The following SYNE2 variants were observed in gnomAD, a reference collection of about 807,000 sequenced individuals.
SYNE2 encodes the protein nesprin-2.
In SYNE2, 431 loss-of-function variants were observed where a neutral mutation model predicts 856.3. The observed-to-expected ratio is 0.50, with a 90% confidence interval of 0.47 to 0.55. The LOEUF (loss-of-function observed/expected upper bound fraction) is 0.55, where lower values mean the gene tolerates loss of function less well. Ranked by LOEUF, SYNE2 falls within the 20% of genes least tolerant of loss-of-function variation. The pLI is 0.00. For synonymous variants in SYNE2, 2,923 were observed against 2,872.3 expected, an observed-to-expected ratio of 1.02 and a Z score of -0.56; for missense variants, 8,129 against 8,023.2, an observed-to-expected ratio of 1.01 and a Z score of -0.50.
chr14:64,075,746 A>T (rs2097453339), intron 53 of SYNE2, 199 bp from the exon 54 acceptor site: 1 of 569,952 alleles, frequency 1.8e-6, no homozygotes, highest in Non-Finnish European at 3.1e-6. Flanking sequence ...TATCAAGTTT[A>T]ATTCTTACAA....
chr14:64,099,980 G>A (rs1020065366), intron 63 of SYNE2: 1 of 151,942 alleles, frequency 6.6e-6, no homozygotes, highest in African/African-American at 2.4e-5. Context: ...CCATTACTGG[G>A]TATATACCCA....
chr14:63,943,498 A>C (rs1370521565), intron 6 of SYNE2, among the ~76,000 whole-genome samples: 1 of 152,142 alleles, frequency 6.6e-6, no homozygotes, highest in Non-Finnish European at 1.5e-5. Context: ...CAGACTATAT[A>C]TTATTTCTGG....
intron 88 of SYNE2, 91 bp downstream of exon 88, chr14:64,162,367 C>A: frequency 7.5e-7 from 1 of 1,334,536 alleles, no homozygotes; most frequent in Non-Finnish European, 1.1e-6. Flanking sequence ...AGACAGACCA[C>A]AGGGACAGAG....
intron 41 of SYNE2, among the ~76,000 whole-genome samples, chr14:64,025,933 TAATA>T (rs971351608): frequency 5.3e-5 from 8 of 152,176 alleles, no homozygotes; most frequent in Admixed American, 2.6e-4. Flanking sequence ...AATTTAATTA[TAATA>T]AATTTAAAAA....
chr14:63,868,327 TA>T (rs1370125454), intron 1 of SYNE2, among the ~76,000 whole-genome samples: 1 of 151,702 alleles, frequency 6.6e-6, no homozygotes, highest in Non-Finnish European at 1.5e-5. Context: ...ACACAAAAAT[TA>T]GCCAGGCGTG....
intron 2 of SYNE2, among the ~76,000 whole-genome samples, chr14:63,916,775 A>G (rs528196873): frequency 6.6e-6 from 1 of 152,068 alleles, no homozygotes; most frequent in Non-Finnish European, 1.5e-5. Flanking sequence ...AGTCTTAGGA[A>G]GAGGAACACT....
chr14:63,830,894 GCAGTGGTGTGATCT>G (rs1157595878), intron 1 of SYNE2, among the ~76,000 whole-genome samples: 1 of 134,854 alleles, frequency 7.4e-6, no homozygotes, highest in Non-Finnish European at 1.5e-5. Flanking sequence ...AGGCTGGAGT[GCAGTGGTGTGATCT>G]CAGCTCACTG....
intron 65 of SYNE2, among the ~76,000 whole-genome samples, chr14:64,108,546 C>G (rs1238526731): frequency 6.6e-6 from 1 of 152,068 alleles, no homozygotes; most frequent in South Asian, 2.1e-4. Context: ...ACCTAAAGCT[C>G]CAAGGGTCTC....
chr14:64,026,620 G>T lies in SYNE2; in HGVS notation c.6294G>T (p.Glu2098Asp). ...LLKPEGDARI[E>D]TIMKQAESSE... is the part of the protein sequence containing the mutation. ...AGCCTGAAGGGGATGCCAGAATAGA[G>T]ACCATCATGAAGCAGGCTGAGAGCA... Residue 2098 changes from glutamate to aspartate, a missense_variant, in exon 42 of 116, where the codon GAG becomes GAT. Transcript: ENST00000555002. 1 of 1,613,818 alleles carries T rather than the reference G, an allele frequency of 6.2e-7. No homozygotes were observed. Among genetic ancestry groups the T allele is most frequent in the Non-Finnish European group, 8.5e-7 (1 of 1,179,858 alleles).
intron 1 of SYNE2, among the ~76,000 whole-genome samples, chr14:63,884,769 T>C (rs1375204053): frequency 1.3e-5 from 2 of 152,100 alleles, no homozygotes; most frequent in African/African-American, 2.4e-5. Flanking sequence ...AGATGTTGAA[T>C]TTTAAATGCA....
At chr14:63,792,086 G>A (rs894541786) in intron 1 of SYNE2, among the ~76,000 whole-genome samples, 3 of 152,028 alleles carry the variant, frequency 2.0e-5, no homozygotes, top group Non-Finnish European at 4.4e-5. Flanking sequence ...AAACAAATAG[G>A]AAAATGACAG....
intron 51 of SYNE2, 115 bp downstream of exon 51, chr14:64,065,765 C>A: frequency 1.8e-6 from 2 of 1,129,772 alleles, no homozygotes; most frequent in Non-Finnish European, 2.6e-6. Context: ...CATTTGTGCA[C>A]ATCACTTATA....
chr14:63,991,267 T>C (rs1209979084), intron 21 of SYNE2, 152 bp downstream of exon 21: 7 of 836,116 alleles, frequency 8.4e-6, no homozygotes, highest in African/African-American at 1.7e-5. Context: ...CCTGAGGTTA[T>C]TAAACGTAAG....
Position 64,223,369 on chromosome 14 carries a change from C to T in SYNE2, c.20371C>T (p.Gln6791Ter). 6.2e-7 allele frequency: 1 copy of T among 1,613,860 alleles called. No homozygotes were observed. Among genetic ancestry groups the T allele is most frequent in the Non-Finnish European group, 8.5e-7 (1 of 1,179,878 alleles). Residue 6791 changes from glutamine to a stop codon, truncating the protein, a stop_gained, in exon 113 of 116, where the codon CAG becomes TAG. Coordinates refer to ENST00000555002, the MANE Select transcript of SYNE2 (RefSeq NM_182914.3). LOFTEE classifies it high-confidence loss of function. ...EQVSQDLMAL[Q>*]GTQNPASPLP... ...AGTGTCCCAAGATTTAATGGCCTTG[C>T]AGGGAACCCAGGTGAGTCTACTTGT... is the stretch of plus-strand genomic sequence containing the variant.
chr14:63,827,363 G>A (rs1283004114), intron 1 of SYNE2, among the ~76,000 whole-genome samples: 1 of 151,306 alleles, frequency 6.6e-6, no homozygotes, highest in African/African-American at 2.4e-5. Context: ...GGTGGCTCAC[G>A]CCTGTAATCC....
intron 99 of SYNE2, among the ~76,000 whole-genome samples, chr14:64,200,426 T>G (rs1465430929): frequency 1.3e-5 from 2 of 152,182 alleles, no homozygotes; most frequent in Non-Finnish European, 2.9e-5. Flanking sequence ...AGGAACTGCC[T>G]GGAGGACTCC....
intron 52 of SYNE2, 34 bp downstream of exon 52, chr14:64,070,944 C>A: frequency 1.2e-6 from 2 of 1,610,864 alleles, no homozygotes; most frequent in Non-Finnish European, 1.7e-6. Context: ...AGGACGTGTG[C>A]TTGACAATTA....
intron 2 of SYNE2, among the ~76,000 whole-genome samples, chr14:63,939,846 T>A (rs984736891): frequency 6.6e-6 from 1 of 152,234 alleles, no homozygotes; most frequent in African/African-American, 2.4e-5. Flanking sequence ...TCTCTCTGAC[T>A]AATTACAGCC....
intron 11 of SYNE2, among the ~76,000 whole-genome samples, chr14:63,970,945 G>A (rs554438077): frequency 1.3e-5 from 2 of 151,824 alleles, no homozygotes. Flanking sequence ...GAGCCACTGT[G>A]CCTGGCCCCC....
Sources: allele counts gnomAD v4.1 joint callset (sites outside exome capture counted in the v4.1 genomes callset), GRCh38; gene constraint gnomAD v4.1.1; transcripts MANE v1.5; gene names NCBI Gene and HGNC (gene_info 2026-07-23, HGNC 2026-07-21).